The following IPO11 variants were observed in gnomAD, a reference collection of about 807,000 sequenced individuals.
IPO11 encodes the protein importin-11.
IPO11 carries 66 observed loss-of-function variants against 143.2 expected under a neutral mutation model. The ratio of observed to expected loss-of-function variants is 0.46; its 90% CI spans 0.38 to 0.57. IPO11 has a LOEUF of 0.57. IPO11 is among the 20% of genes least tolerant of loss of function. The probability of loss-of-function intolerance (pLI) is 0.00; values close to 1 mark genes in which losing one functional copy is unlikely to be tolerated. For synonymous variants in IPO11, 385 were observed against 377.8 expected (o/e 1.02, Z -0.22); for missense variants, 1,026 against 1,141.0 (o/e 0.90, Z 1.45).
chr5:62,569,290 T>C (rs978602218), intron 27 of IPO11, among the ~76,000 whole-genome samples: 13 of 152,224 alleles, frequency 8.5e-5, no homozygotes, highest in African/African-American at 3.1e-4. Context: ...GACTGTTCTT[T>C]CTTCCCCTTT....
chr5:62,513,442 A>T (rs1251488429), intron 19 of IPO11, among the ~76,000 whole-genome samples: 1 of 72,952 alleles, frequency 1.4e-5, no homozygotes, highest in South Asian at 5.7e-4. Context: ...TCCCGGACGG[A>T]GCGGCTGGCT....
intron 5 of IPO11, among the ~76,000 whole-genome samples, chr5:62,466,685 A>T (rs1320973382): frequency 1.3e-5 from 2 of 152,244 alleles, no homozygotes; most frequent in East Asian, 3.8e-4. Flanking sequence ...TTAAATGTGC[A>T]AAAGCCATAT....
At chr5:62,489,177 G>A (rs1321889497) in intron 13 of IPO11, 125 bp from the exon 14 acceptor site, 1 of 475,104 alleles carries the variant, frequency 2.1e-6, no homozygotes, top group Admixed American at 4.2e-5. Flanking sequence ...GTCCATTTTT[G>A]ACACCATGAA....
At chr5:62,618,319 T>C (rs902849359) in intron 29 of IPO11, among the ~76,000 whole-genome samples, 5 of 152,112 alleles carry the variant, frequency 3.3e-5, no homozygotes, top group Non-Finnish European at 5.9e-5. Context: ...CAAAACTTAA[T>C]TATTCCTAAC....
intron 1 of IPO11, among the ~76,000 whole-genome samples, chr5:62,428,442 C>A (rs1743841858): frequency 6.6e-6 from 1 of 152,138 alleles, no homozygotes; most frequent in Non-Finnish European, 1.5e-5. Context: ...CTCCCGGGTT[C>A]ATGGGATTCT....
intron 28 of IPO11, among the ~76,000 whole-genome samples, chr5:62,594,678 A>T (rs1426116272): frequency 6.6e-6 from 1 of 152,228 alleles, no homozygotes; most frequent in Non-Finnish European, 1.5e-5. Context: ...ATTAGCCATC[A>T]CACTAAGAAA....
chr5:62,622,219 C>T (rs192470599), intron 29 of IPO11, among the ~76,000 whole-genome samples: 2 of 152,122 alleles, frequency 1.3e-5, no homozygotes, highest in Non-Finnish European at 2.9e-5. Context: ...ATGTATATCA[C>T]GATCACTTGG....
At chr5:62,569,910 G>C (rs1447019906) in intron 27 of IPO11, among the ~76,000 whole-genome samples, 2 of 151,950 alleles carry the variant, frequency 1.3e-5, no homozygotes, top group African/African-American at 4.8e-5. Context: ...GTAATTATTG[G>C]TTCTGATTAT....
At chr5:62,532,666 A>G (rs955240491) in intron 22 of IPO11, among the ~76,000 whole-genome samples, 4 of 152,098 alleles carry the variant, frequency 2.6e-5, no homozygotes, top group Admixed American at 1.3e-4. Flanking sequence ...CCTGTGGTGT[A>G]GTTTTAATGA....
chr5:62,542,638 A>T (rs557177210), intron 24 of IPO11, among the ~76,000 whole-genome samples: 1 of 152,314 alleles, frequency 6.6e-6, no homozygotes, highest in East Asian at 1.9e-4. Flanking sequence ...AATGTTAGGA[A>T]AATTGGATAG....
At chr5:62,463,423 G>A (rs922364967) in intron 5 of IPO11, among the ~76,000 whole-genome samples, 10 of 151,976 alleles carry the variant, frequency 6.6e-5, no homozygotes, top group African/African-American at 2.4e-4. Context: ...CAGCACTTTG[G>A]GAGGCTGAGG....
chr5:62,430,756 C>CA (rs1743955333), intron 1 of IPO11, among the ~76,000 whole-genome samples: 2 of 149,776 alleles, frequency 1.3e-5, no homozygotes, highest in Admixed American at 1.3e-4. Context: ...TGGCTGACTG[C>CA]AACCTCTGCC....
chr5:62,545,269 T>G (rs529156717), intron 24 of IPO11, among the ~76,000 whole-genome samples: 107 of 152,094 alleles, frequency 7.0e-4, no homozygotes, highest in South Asian at 1.2e-3. Flanking sequence ...CAATGGAACA[T>G]AACAGAGTCC....
At chr5:62,458,853 A>G (rs755459891) in intron 5 of IPO11, among the ~76,000 whole-genome samples, 3 of 152,222 alleles carry the variant, frequency 2.0e-5, no homozygotes, top group East Asian at 3.8e-4. Context: ...CTCTTCCTGT[A>G]TTGATTCATA....
At chr5:62,573,880 T>C (rs1382621291) in intron 27 of IPO11, among the ~76,000 whole-genome samples, 1 of 152,208 alleles carries the variant, frequency 6.6e-6, no homozygotes, top group East Asian at 1.9e-4. Context: ...CACTGGTGGC[T>C]TAACATTGAG....
chr5:62,514,772 A>G (rs966964821), intron 19 of IPO11, among the ~76,000 whole-genome samples: 11 of 152,366 alleles, frequency 7.2e-5, no homozygotes, highest in Non-Finnish European at 8.8e-5. Flanking sequence ...TCAAGAAACT[A>G]CTGTCAGACT....
intron 2 of IPO11, among the ~76,000 whole-genome samples, chr5:62,442,706 T>A (rs575187419): frequency 9.3e-5 from 14 of 150,846 alleles, no homozygotes; most frequent in African/African-American, 2.9e-4. Flanking sequence ...AAAAAAAAAA[T>A]ACAAAAAATT....
chr5:62,616,490 T>G (rs1301907616), intron 29 of IPO11, among the ~76,000 whole-genome samples: 1 of 152,000 alleles, frequency 6.6e-6, no homozygotes, highest in African/African-American at 2.4e-5. Flanking sequence ...TCCCAGCACT[T>G]TGGGAGGTCG....
chr5:62,538,356 C>A (rs1025052147), intron 24 of IPO11, among the ~76,000 whole-genome samples: 1 of 152,118 alleles, frequency 6.6e-6, no homozygotes, highest in Non-Finnish European at 1.5e-5. Flanking sequence ...CTTTGTGTCC[C>A]CACCCAAATC....
Sources: gnomAD v4.1 joint callset for allele counts (sites outside exome capture counted in the v4.1 genomes callset) on GRCh38, gnomAD v4.1.1 for gene constraint, MANE v1.5 for transcripts, NCBI Gene and HGNC (gene_info 2026-07-23, HGNC 2026-07-21) for gene names.